NRXN3: variants seen among roughly 807,000 people sequenced by gnomAD.
The protein encoded by NRXN3 is neurexin III.
A neutral mutation model predicts 137.6 loss-of-function variants in NRXN3; 32 were observed. The observed-to-expected ratio is 0.23, with a 90% CI of 0.18 to 0.31. The LOEUF is 0.31. Among genes scored for constraint, NRXN3 ranks in the 10% least tolerant of loss-of-function variants. The pLI is 1.00. For missense variants in NRXN3, 1,574 were observed against 2,062.5 expected (o/e 0.76, Z 4.59); for synonymous variants, 798 against 784.5 (o/e 1.02, Z -0.29).
rs1255940026 is a variant in NRXN3 at position 79,504,677 on chromosome 14, A to C, written c.3444+37275A>C. ...TATGTATATATATATATATATATAA[A>C]ACATTACACATTTAGGACATTTCAT... On this transcript the variant is annotated intron_variant, in intron 16 of 20. Transcript: ENST00000335750. Among the ~76,000 whole-genome samples the C allele has an allele frequency of 2.8e-5, 4 of 144,010 alleles. No homozygotes were observed. In the East Asian group the frequency reaches 7.9e-4, roughly 28 times the overall value. 94.5% of individuals were successfully genotyped at this position (144,010 alleles called of 152,430 possible).
intron 20 of NRXN3, among the ~76,000 whole-genome samples, chr14:79,812,275 T>C (rs1050786969): frequency 6.6e-6 from 1 of 152,190 alleles, no homozygotes; most frequent in African/African-American, 2.4e-5. Context: ...GTAACACTTT[T>C]GAGTAACTAT....
intron 10 of NRXN3, among the ~76,000 whole-genome samples, chr14:78,834,541 G>A (rs2098991022): frequency 6.6e-6 from 1 of 152,160 alleles, no homozygotes; most frequent in African/African-American, 2.4e-5. Flanking sequence ...TGGGAAGCTG[G>A]CCTTTGAGTG....
chr14:79,349,659 C>G (rs1420876309), intron 15 of NRXN3, among the ~76,000 whole-genome samples: 2 of 151,770 alleles, frequency 1.3e-5, no homozygotes, highest in Non-Finnish European at 2.9e-5. Flanking sequence ...TCTAGTACCT[C>G]AAAAATTGTA....
chr14:79,070,127 A>G (rs369544545), intron 15 of NRXN3, among the ~76,000 whole-genome samples: 34 of 152,124 alleles, frequency 2.2e-4, no homozygotes, highest in African/African-American at 8.2e-4. Context: ...TGGCCTTTGC[A>G]TTGTACACAA....
chr14:78,986,096 C>T lies in NRXN3; in HGVS notation c.3143-1926C>T, dbSNP rs540038620. On this transcript the variant is annotated intron_variant, in intron 14 of 20. Transcript: ENST00000335750. The stretch of plus-strand genomic sequence containing the variant: ...ACCCAGAAGACGAACCCTTTGTAGT[C>T]GTGCATCTCTTTTGAACATGCGTCT... Among the ~76,000 whole-genome samples the T allele has an allele frequency of 8.3e-4, 126 of 152,266 alleles. 1 individual carries two copies. Among genetic ancestry groups the T allele is most frequent in the South Asian group, 1.0e-3 (5 of 4,816 alleles).
At chr14:78,924,587 A>C (rs569954075) in intron 10 of NRXN3, among the ~76,000 whole-genome samples, 24 of 152,258 alleles carry the variant, frequency 1.6e-4, no homozygotes, top group African/African-American at 5.8e-4. Flanking sequence ...TGTGCTCAAT[A>C]AATTATTGCT....
chr14:79,741,480 T>C (rs1351202641), intron 19 of NRXN3, among the ~76,000 whole-genome samples: 2 of 152,028 alleles, frequency 1.3e-5, no homozygotes, highest in Admixed American at 1.3e-4. Context: ...TGTGCATGTA[T>C]ATATAATTTT....
chr14:78,887,735 A>G (rs1384041533), intron 10 of NRXN3, among the ~76,000 whole-genome samples: 1 of 152,164 alleles, frequency 6.6e-6, no homozygotes, highest in Non-Finnish European at 1.5e-5. Context: ...GAAAGAAGAA[A>G]GAAATGGCTT....
At chr14:78,561,686 G>T (rs926689501) in intron 4 of NRXN3, among the ~76,000 whole-genome samples, 1 of 152,122 alleles carries the variant, frequency 6.6e-6, no homozygotes, top group Non-Finnish European at 1.5e-5. Context: ...ACTCTTCCTG[G>T]AACATACTCC....
chr14:79,082,542 A>G (rs2047266532), intron 15 of NRXN3, among the ~76,000 whole-genome samples: 2 of 152,136 alleles, frequency 1.3e-5, no homozygotes, highest in Admixed American at 1.3e-4. Context: ...CATCATGGAA[A>G]TTTAGAACTA....
At chr14:78,388,601 G>A (rs2110427) in intron 4 of NRXN3, among the ~76,000 whole-genome samples, 68,718 of 151,800 alleles carry the variant, frequency 0.45, 15,730 homozygotes, top group Middle Eastern at 0.58. Flanking sequence ...ATTTTTTCTG[G>A]CTACTTTTGC....
chr14:78,309,722 G>T (rs1410880734), intron 4 of NRXN3, among the ~76,000 whole-genome samples: 3 of 152,010 alleles, frequency 2.0e-5, no homozygotes, highest in Non-Finnish European at 4.4e-5. Context: ...GCTTTTTTAT[G>T]ATTTTCATTT....
chr14:78,505,733 C>T (rs2095975131), intron 4 of NRXN3, among the ~76,000 whole-genome samples: 1 of 151,782 alleles, frequency 6.6e-6, no homozygotes, highest in Admixed American at 6.6e-5. Flanking sequence ...GAATAGATTG[C>T]CTATGGAAAA....
chr14:78,649,554 C>CA (rs780407370), intron 5 of NRXN3, among the ~76,000 whole-genome samples: 1 of 142,458 alleles, frequency 7.0e-6, no homozygotes, highest in South Asian at 2.2e-4. Flanking sequence ...TTTTTTCCCC[C>CA]AAAAAATGCT....
At chr14:78,836,934 G>A (rs905911413) in intron 10 of NRXN3, among the ~76,000 whole-genome samples, 2 of 152,120 alleles carry the variant, frequency 1.3e-5, no homozygotes, top group Non-Finnish European at 2.9e-5. Flanking sequence ...ATTCTATTGA[G>A]CCTTAGAGTG....
intron 4 of NRXN3, among the ~76,000 whole-genome samples, chr14:78,358,200 G>A (rs944626020): frequency 6.6e-6 from 1 of 152,332 alleles, no homozygotes; most frequent in Non-Finnish European, 1.5e-5. Flanking sequence ...TGTAGGGGTG[G>A]TGGTAATGAG....
At chr14:79,051,543 G>A (rs909892852) in intron 15 of NRXN3, among the ~76,000 whole-genome samples, 1 of 152,076 alleles carries the variant, frequency 6.6e-6, no homozygotes, top group Non-Finnish European at 1.5e-5. Flanking sequence ...AAACAGAGTC[G>A]GCACTAAAGA....
intron 4 of NRXN3, among the ~76,000 whole-genome samples, chr14:78,520,273 T>C (rs1030907892): frequency 1.3e-5 from 2 of 152,210 alleles, no homozygotes; most frequent in Non-Finnish European, 2.9e-5. Context: ...TCAACTGAAA[T>C]AATTAATGGG....
intron 8 of NRXN3, among the ~76,000 whole-genome samples, chr14:78,759,388 T>G (rs936041560): frequency 6.6e-6 from 1 of 152,232 alleles, no homozygotes; most frequent in Non-Finnish European, 1.5e-5. Context: ...TAATACTCTT[T>G]AAGATATTTT....
Sources: gnomAD v4.1 joint callset for allele counts (sites outside exome capture counted in the v4.1 genomes callset) on GRCh38, gnomAD v4.1.1 for gene constraint, MANE v1.5 for transcripts, NCBI Gene and HGNC (gene_info 2026-07-23, HGNC 2026-07-21) for gene names.